Variants in NRSN1 observed in about 807,000 individuals in gnomAD.
The protein encoded by NRSN1 is neurensin 1.
Under a neutral mutation model 17.3 loss-of-function variants are expected in NRSN1, and 14 were observed. The observed-to-expected ratio is 0.81, with a 90% CI of 0.54 to 1.27. The LOEUF is 1.27. Among genes scored for constraint, NRSN1 ranks in the 50% most tolerant of loss-of-function variants. The pLI is 0.00. For synonymous variants in NRSN1, 79 were observed against 94.2 expected (o/e 0.84, Z 0.93); for missense variants, 209 against 235.9 (o/e 0.89, Z 0.75).
rs1760298011 is a variant in NRSN1, at chr6:24,146,003, G to T, written c.*57G>T. 1 of 1,537,228 alleles carries T rather than the reference G, an allele frequency of 6.5e-7. No homozygotes were observed. The highest frequency in any genetic ancestry group is 8.9e-7 in the Non-Finnish European group (1 of 1,129,018). Reference sequence around the variant, plus strand: ...TTTATGCCCGTGGTTAAAAAGAGCAGGCCAGTTTTCGAGATAAAGAAGATT... The same window carrying T: ...TTTATGCCCGTGGTTAAAAAGAGCATGCCAGTTTTCGAGATAAAGAAGATT... On this transcript the variant is annotated 3_prime_UTR_variant, in exon 4 of 4. Coordinates refer to ENST00000378491, the MANE Select transcript of NRSN1 (RefSeq NM_080723.5).
Position 24,127,951 on chromosome 6 carries a change from T to C in NRSN1, c.-82-177T>C, listed in dbSNP as rs180786069. ...ATTATTATGAGAACCCATTGAAAAG[T>C]TCTAAAATACAGTTTAGACTTTTGT... is the stretch of plus-strand genomic sequence containing the variant. On this transcript the variant is annotated intron_variant, in intron 1 of 3. Transcript: ENST00000378491. Among the ~76,000 whole-genome samples, 636 of 152,362 alleles carry C rather than the reference T, an allele frequency of 4.2e-3. 4 individuals are homozygous for C. Among genetic ancestry groups the C allele is most frequent in the African/African-American group, 0.015 (606 of 41,590 alleles).
chr6:24,127,516 G>C (rs751439673), intron 1 of NRSN1, among the ~76,000 whole-genome samples: 4 of 152,136 alleles, frequency 2.6e-5, no homozygotes, highest in Non-Finnish European at 4.4e-5. Flanking sequence ...CCTTATAGTT[G>C]GCAATGGCTT....
Position 24,127,196 on chromosome 6 carries a change from T to C in NRSN1, c.-83+856T>C, listed in dbSNP as rs372574225. Among the ~76,000 whole-genome samples the C allele has an allele frequency of 5.9e-5, 9 of 152,322 alleles. No individual in the cohort carries two copies. In the East Asian group the frequency reaches 7.7e-4, roughly 13 times the overall value. ...GACCTATGATTGGCTTGTTTTCGTT[T>C]GCTTATCCAGATCCAGGAGGCTAAT... On this transcript the variant is annotated intron_variant, in intron 1 of 3. Coordinates refer to ENST00000378491, the MANE Select transcript of NRSN1 (RefSeq NM_080723.5).
chr6:24,134,448 A>G lies in NRSN1; in HGVS notation c.121A>G (p.Ile41Val), dbSNP rs17299946. The G allele has an allele frequency of 1.2e-6, 2 of 1,614,076 alleles. No individual in the cohort carries two copies. The highest frequency in any genetic ancestry group is 1.1e-5 in the South Asian group (1 of 91,076). Reference sequence around the variant, plus strand: ...GTTTTATGAGGACTGTACAGCCTCAATTTGGGAGTATGAGGATGATTTCCA... The same window carrying G: ...GTTTTATGAGGACTGTACAGCCTCAGTTTGGGAGTATGAGGATGATTTCCA... ...HQFYEDCTAS[I>V]WEYEDDFQIQ... Residue 41 changes from isoleucine (I) to valine (V), a missense_variant, in exon 3 of 4, where the codon ATT (isoleucine) becomes GTT (valine). Ile to Val is a conservative substitution (Grantham distance 29). Coordinates refer to ENST00000378491, the MANE Select transcript of NRSN1 (RefSeq NM_080723.5).
rs1760299595 is a variant in NRSN1 at position 24,146,094 on chromosome 6, C to A, written c.*148C>A. 3 of 836,372 alleles carry A rather than the reference C, an allele frequency of 3.6e-6. No individual in the cohort carries two copies. The highest frequency in any genetic ancestry group is 3.3e-5 in the African/African-American group (2 of 60,038). 51.8% of individuals were successfully genotyped at this position (836,372 alleles called of 1,614,324 possible). A position where few individuals can be genotyped will look rare whatever the true frequency, so the allele number is the denominator to read the frequency against. On this transcript the variant is annotated 3_prime_UTR_variant, in exon 4 of 4. Coordinates refer to ENST00000378491, the MANE Select transcript of NRSN1 (RefSeq NM_080723.5). Reference sequence around the variant, plus strand: ...TATAATGGGTGGACTCACACTTGCTCAGTTCAGGCAGCTCTGCTGGAGGGC... The same window carrying A: ...TATAATGGGTGGACTCACACTTGCTAAGTTCAGGCAGCTCTGCTGGAGGGC...
At chr6:24,132,728 C>T (rs1187762511) in intron 2 of NRSN1, among the ~76,000 whole-genome samples, 1 of 152,146 alleles carries the variant, frequency 6.6e-6, no homozygotes, top group African/African-American at 2.4e-5. Context: ...GCAGAACGTA[C>T]AGGCTTGTTA....
chr6:24,141,133 G>C, intron 3 of NRSN1: 1 of 1,294,548 alleles, frequency 7.7e-7, no homozygotes, highest in Non-Finnish European at 9.9e-7. Context: ...CAACTCTTCT[G>C]TGTGGCCCTA....
intron 2 of NRSN1, among the ~76,000 whole-genome samples, chr6:24,129,895 G>T (rs1024040311): frequency 2.0e-5 from 3 of 152,190 alleles, no homozygotes; most frequent in African/African-American, 7.2e-5. Context: ...CACAAAAGTT[G>T]CTTGTGCCCA....
chr6:24,138,357 T>C (rs1760148643), intron 3 of NRSN1, among the ~76,000 whole-genome samples: 1 of 152,176 alleles, frequency 6.6e-6, no homozygotes, highest in African/African-American at 2.4e-5. Context: ...CCAAAATCAA[T>C]CAGGCTATGG....
At chr6:24,143,707 T>C (rs1760257466) in intron 3 of NRSN1, among the ~76,000 whole-genome samples, 1 of 152,224 alleles carries the variant, frequency 6.6e-6, no homozygotes. Context: ...CTGTTACCAA[T>C]GTAGCATAAC....
chr6:24,128,718 A>G (rs1759987751), intron 2 of NRSN1: 1 of 152,206 alleles, frequency 6.6e-6, no homozygotes, highest in African/African-American at 2.4e-5. Context: ...CTTTTGCAGC[A>G]CTGGCCCTGT....
rs1329657237 is a variant in NRSN1 at position 24,146,166 on chromosome 6, G to C, written c.*220G>C. On this transcript the variant is annotated 3_prime_UTR_variant, in exon 4 of 4. Transcript: ENST00000378491. ...CACATGCATCCAGCTGCTTAAGATG[G>C]GTGCTTCCTTGTACCCGGCCACCAG... The C allele has an allele frequency of 1.4e-6, 1 of 709,306 alleles. No homozygotes were observed. Among genetic ancestry groups the C allele is most frequent in the East Asian group, 2.7e-5 (1 of 36,658 alleles). 43.9% of individuals were successfully genotyped at this position (709,306 alleles called of 1,614,324 possible). A position where few individuals can be genotyped will look rare whatever the true frequency, so the allele number is the denominator to read the frequency against.
At position 24,145,986 on chromosome 6, in the gene NRSN1, C is replaced by T. The variant is rs1006634634; in HGVS notation, c.*40C>T. On this transcript the variant is annotated 3_prime_UTR_variant, in exon 4 of 4. Transcript: ENST00000378491. The surrounding 1 kb of genome is among the most constrained non-coding windows in gnomAD (Gnocchi z 4.4). ...CAGTTCTTCTTGTCTGATTTATGCC[C>T]GTGGTTAAAAAGAGCAGGCCAGTTT... is the stretch of plus-strand genomic sequence containing the variant. 4.5e-6 allele frequency: 7 copies of T among 1,569,240 alleles called. No individual in the cohort carries two copies. The highest frequency in any genetic ancestry group is 1.9e-5 in the Admixed American group (1 of 53,394).
intron 1 of NRSN1, among the ~76,000 whole-genome samples, chr6:24,126,783 C>G (rs1156556697): frequency 1.3e-5 from 2 of 152,176 alleles, no homozygotes; most frequent in Admixed American, 1.3e-4. Context: ...TCCTGTGCCA[C>G]GTCTGAAGAT....
intron 3 of NRSN1, among the ~76,000 whole-genome samples, chr6:24,143,098 C>G (rs1430058604): frequency 6.6e-6 from 1 of 152,178 alleles, no homozygotes; most frequent in East Asian, 1.9e-4. Flanking sequence ...GGTGAGTTTA[C>G]AAACCTTTAG....
At position 24,134,042 on chromosome 6, in the gene NRSN1, T is replaced by TGTG. The variant is rs1554140179; in HGVS notation, c.-9-277_-9-276insGTG. On this transcript the variant is annotated intron_variant, in intron 2 of 3. Transcript: ENST00000378491. The stretch of plus-strand genomic sequence containing the variant: ...TGTGTGTGTGTGTGTGTGTGTGTGT[T>TGTG]TTTAGTAGAGACAGGGTTTCACCGT... Among the ~76,000 whole-genome samples, 48 of 47,234 alleles carry TGTG rather than the reference T, an allele frequency of 1.0e-3. No homozygotes were observed. The East Asian group carries it at 0.011, about 11-fold the overall frequency. 31.0% of individuals were successfully genotyped at this position (47,234 alleles called of 152,430 possible). A position where few individuals can be genotyped will look rare whatever the true frequency, so the allele number is the denominator to read the frequency against.
rs565529815 is a variant in NRSN1, at chr6:24,146,142, A to G, written c.*196A>G. Reference sequence around the variant, plus strand: ...GGCGGTGCCATGCCTAAGCCTGTGCACATGCATCCAGCTGCTTAAGATGGG... The same window carrying G: ...GGCGGTGCCATGCCTAAGCCTGTGCGCATGCATCCAGCTGCTTAAGATGGG... On this transcript the variant is annotated 3_prime_UTR_variant, in exon 4 of 4. Transcript: ENST00000378491. 6 of 720,276 alleles carry G rather than the reference A, an allele frequency of 8.3e-6. No individual in the cohort carries two copies. Among genetic ancestry groups the G allele is most frequent in the East Asian group, 2.7e-5 (1 of 37,114 alleles). 44.6% of individuals were successfully genotyped at this position (720,276 alleles called of 1,614,324 possible).
chr6:24,133,938 G>A (rs938744145), intron 2 of NRSN1, among the ~76,000 whole-genome samples: 14 of 151,948 alleles, frequency 9.2e-5, no homozygotes, highest in African/African-American at 1.4e-4. Context: ...CCGGGTTCAC[G>A]CCATTCTCCT....
Position 24,145,770 on chromosome 6 carries a change from G to C in NRSN1, c.412G>C (p.Val138Leu). Residue 138 changes from valine to leucine, a missense_variant, in exon 4 of 4, where the codon GTG (valine) becomes CTG (leucine). Physicochemically the swap from Val to Leu is conservative, Grantham distance 32 (BLOSUM62 1). Coordinates refer to ENST00000378491, the MANE Select transcript of NRSN1 (RefSeq NM_080723.5). The surrounding 1 kb of genome is among the most constrained non-coding windows in gnomAD (Gnocchi z 4.4). ...CATGGCAGGGTGCCTGCTGATGTCG[G>C]TGTTTGTAAAGAGCTACTCCAAAGA... The part of the protein sequence containing the change: ...TSMAGCLLMS[V>L]FVKSYSKEEK... 6.2e-7 allele frequency: 1 copy of C among 1,614,200 alleles called. No individual in the cohort carries two copies. Among genetic ancestry groups the C allele is most frequent in the Non-Finnish European group, 8.5e-7 (1 of 1,180,034 alleles).
Sources: allele counts gnomAD v4.1 joint callset (sites outside exome capture counted in the v4.1 genomes callset), GRCh38; gene constraint gnomAD v4.1.1; non-coding constraint Gnocchi (gnomAD v3.1); transcripts MANE v1.5; gene names NCBI Gene and HGNC (gene_info 2026-07-23, HGNC 2026-07-21).